The following ITGA4 variants were observed in gnomAD, a reference collection of about 807,000 sequenced individuals.
The protein encoded by ITGA4 is integrin subunit alpha 4.
Under a neutral mutation model 133.6 loss-of-function variants are expected in ITGA4, and 63 were observed. The observed-to-expected ratio is 0.47, with a 90% CI of 0.38 to 0.58. The LOEUF is 0.58. Ranked by LOEUF, ITGA4 falls within the 20% of genes least tolerant of loss-of-function variation. The pLI is 0.00. For missense variants in ITGA4, 1,076 were observed against 1,252.7 expected (o/e 0.86, Z 2.13); for synonymous variants, 483 against 438.0 (o/e 1.10, Z -1.28).
At chr2:181,477,695 A>G (rs770986380) in intron 4 of ITGA4, among the ~76,000 whole-genome samples, 46 of 152,320 alleles carry the variant, frequency 3.0e-4, no homozygotes, top group Middle Eastern at 3.4e-3. Flanking sequence ...GCAAGAGATA[A>G]CAAGTGTTGG....
intron 10 of ITGA4, among the ~76,000 whole-genome samples, chr2:181,490,769 A>G (rs1015945762): frequency 1.3e-5 from 2 of 152,172 alleles, no homozygotes; most frequent in African/African-American, 2.4e-5. Context: ...TTTATTTAAT[A>G]TGGTGGTTGT....
At chr2:181,475,727 T>A in intron 4 of ITGA4, 1 of 1,480,112 alleles carries the variant, frequency 6.8e-7, no homozygotes, top group South Asian at 1.3e-5. Flanking sequence ...GCACTCACTA[T>A]CTCTTTTTCT....
intron 27 of ITGA4, 150 bp from the exon 28 acceptor site, chr2:181,535,282 T>C (rs1173779426): frequency 3.2e-6 from 2 of 620,546 alleles, no homozygotes; most frequent in Non-Finnish European, 5.2e-6. Context: ...TAATTTTTAC[T>C]GATTACCTCT....
intron 10 of ITGA4, among the ~76,000 whole-genome samples, chr2:181,486,882 T>C (rs1177150155): frequency 2.0e-5 from 3 of 152,192 alleles, no homozygotes; most frequent in Non-Finnish European, 4.4e-5. Flanking sequence ...ACGGTAGTTT[T>C]AGGCTAAAGC....
intron 5 of ITGA4, chr2:181,479,308 A>G (rs1203848761): frequency 1.3e-5 from 2 of 152,060 alleles, no homozygotes; most frequent in African/African-American, 2.4e-5. Flanking sequence ...ATTCTAGGAT[A>G]TGTATGAAAG....
At chr2:181,518,810 ATATTTT>A (rs1009466843) in intron 17 of ITGA4, among the ~76,000 whole-genome samples, 3 of 152,038 alleles carry the variant, frequency 2.0e-5, no homozygotes, top group Non-Finnish European at 4.4e-5. Context: ...TAAAGTATAT[ATATTTT>A]TATTAATTAA....
chr2:181,531,648 C>G lies in ITGA4; in HGVS notation c.2665-9C>G. On this transcript the variant is annotated splice_polypyrimidine_tract_variant and intron_variant, in intron 24 of 27. Coordinates refer to ENST00000397033, the MANE Select transcript of ITGA4 (RefSeq NM_000885.6). ...AATTTTAATGTAGCACTTTTATATT[C>G]CCTTCAAGTACTGCATAAAAGCTGA... is the stretch of plus-strand genomic sequence containing the variant. 6.6e-7 allele frequency: 1 copy of G among 1,520,202 alleles called. No homozygotes were observed. The highest frequency in any genetic ancestry group is 8.9e-7 in the Non-Finnish European group (1 of 1,123,588). 94.2% of individuals were successfully genotyped at this position (1,520,202 alleles called of 1,614,324 possible).
At chr2:181,501,512 G>A (rs1243774429) in intron 15 of ITGA4, among the ~76,000 whole-genome samples, 1 of 152,206 alleles carries the variant, frequency 6.6e-6, no homozygotes, top group Non-Finnish European at 1.5e-5. Flanking sequence ...TGTGAATAGA[G>A]TAGGAGATCA....
chr2:181,532,220 A>T (rs1686958830), intron 25 of ITGA4, among the ~76,000 whole-genome samples: 2 of 152,248 alleles, frequency 1.3e-5, no homozygotes, highest in African/African-American at 2.4e-5. Flanking sequence ...TTTGCTTAGG[A>T]TTGTCTTGAC....
At chr2:181,471,974 C>T (rs1356289299) in intron 2 of ITGA4, among the ~76,000 whole-genome samples, 1 of 151,964 alleles carries the variant, frequency 6.6e-6, no homozygotes, top group Admixed American at 6.6e-5. Context: ...TTAAAATAGC[C>T]TAATGATTTA....
chr2:181,493,207 A>G (rs56370865), intron 10 of ITGA4, 118 bp from the exon 11 acceptor site: 3 of 634,076 alleles, frequency 4.7e-6, no homozygotes, highest in South Asian at 2.0e-5. Flanking sequence ...GAAGACTGTT[A>G]TTTTTCATAA....
At chr2:181,475,808 T>C in intron 4 of ITGA4, 1 of 1,593,814 alleles carries the variant, frequency 6.3e-7, no homozygotes. Context: ...TCATGGTAAC[T>C]CTATGCTATA....
At chr2:181,482,192 G>T (rs1211687039) in intron 7 of ITGA4, among the ~76,000 whole-genome samples, 168 bp from the exon 8 acceptor site, 1 of 152,132 alleles carries the variant, frequency 6.6e-6, no homozygotes, top group Non-Finnish European at 1.5e-5. Flanking sequence ...GCATATTAAT[G>T]TAACAGTGGA....
At chr2:181,471,705 A>G (rs975553459) in intron 2 of ITGA4, among the ~76,000 whole-genome samples, 3 of 152,068 alleles carry the variant, frequency 2.0e-5, no homozygotes, top group Non-Finnish European at 2.9e-5. Context: ...CCAATTTCCC[A>G]CTTACACACC....
At chr2:181,490,517 G>C (rs928242638) in intron 10 of ITGA4, among the ~76,000 whole-genome samples, 11 of 127,264 alleles carry the variant, frequency 8.6e-5, no homozygotes, top group East Asian at 2.1e-4. Context: ...GTGTGTGTGT[G>C]TGTGTGTGTC....
At chr2:181,462,771 C>T (rs1011460859) in intron 2 of ITGA4, among the ~76,000 whole-genome samples, 10 of 152,126 alleles carry the variant, frequency 6.6e-5, no homozygotes, top group Non-Finnish European at 1.5e-4. Flanking sequence ...TCTAAATGCA[C>T]TTTAGTTTTT....
chr2:181,463,622 A>T (rs1685340529), intron 2 of ITGA4, among the ~76,000 whole-genome samples: 1 of 152,102 alleles, frequency 6.6e-6, no homozygotes, highest in Non-Finnish European at 1.5e-5. Flanking sequence ...ATGATCCAAT[A>T]TACTGAAAAA....
chr2:181,513,757 T>C (rs1419598813), intron 17 of ITGA4, among the ~76,000 whole-genome samples: 2 of 152,170 alleles, frequency 1.3e-5, no homozygotes, highest in African/African-American at 2.4e-5. Context: ...TGAACCTCTG[T>C]ATCTTCTCAC....
intron 4 of ITGA4, among the ~76,000 whole-genome samples, chr2:181,476,716 C>T (rs1333658174): frequency 6.6e-6 from 1 of 152,104 alleles, no homozygotes; most frequent in Non-Finnish European, 1.5e-5. Context: ...TGGAATCAAC[C>T]TAAATGCACA....
Sources: allele counts gnomAD v4.1 joint callset (sites outside exome capture counted in the v4.1 genomes callset), GRCh38; gene constraint gnomAD v4.1.1; transcripts MANE v1.5; gene names NCBI Gene and HGNC (gene_info 2026-07-23, HGNC 2026-07-21).